The following ANXA7 variants were observed in gnomAD, a reference collection of about 807,000 sequenced individuals.
ANXA7 encodes annexin VII.
Under a neutral mutation model 64.9 loss-of-function variants are expected in ANXA7, and 55 were observed. That is an observed-to-expected ratio of 0.85 (90% CI 0.68 to 1.06). The LOEUF (loss-of-function observed/expected upper bound fraction) is 1.06. Among genes scored for constraint, ANXA7 ranks in the 50% least tolerant of loss-of-function variants. ANXA7 has a pLI of 0.00. For synonymous variants in ANXA7, 200 were observed against 192.4 expected (o/e 1.04, Z -0.33); for missense variants, 548 against 582.1 (o/e 0.94, Z 0.60).
intron 1 of ANXA7, among the ~76,000 whole-genome samples, chr10:73,405,370 T>C (rs1350107436): frequency 6.6e-6 from 1 of 150,636 alleles, no homozygotes; most frequent in Admixed American, 6.6e-5. Context: ...GGTGAAACCC[T>C]GTCTCTACTA....
chr10:73,383,501 C>A, intron 8 of ANXA7, 76 bp downstream of exon 8: 1 of 1,322,194 alleles, frequency 7.6e-7, no homozygotes, highest in Admixed American at 2.1e-5. Flanking sequence ...ACTGTAAATT[C>A]AGAACTGTCA....
intron 4 of ANXA7, among the ~76,000 whole-genome samples, chr10:73,396,874 T>C (rs542016449): frequency 6.6e-6 from 1 of 152,260 alleles, no homozygotes; most frequent in South Asian, 2.1e-4. Context: ...AATACAGTTC[T>C]GGGGGTGGTT....
chr10:73,379,085 CTTCAT>C, intron 11 of ANXA7, 62 bp from the exon 12 acceptor site: 1 of 1,125,570 alleles, frequency 8.9e-7, no homozygotes, highest in East Asian at 2.5e-5. Flanking sequence ...ACCCCTCCAG[CTTCAT>C]TTATCACTTA....
At chr10:73,377,144 T>C (rs1227716229) in intron 12 of ANXA7, among the ~76,000 whole-genome samples, 3 of 152,204 alleles carry the variant, frequency 2.0e-5, no homozygotes, top group Non-Finnish European at 4.4e-5. Flanking sequence ...AATGGTAAAT[T>C]TTTATGTTAT....
Position 73,383,456 on chromosome 10 carries a change from T to C in ANXA7, c.748-111A>G, listed in dbSNP as rs917165138. 43 of 1,262,960 alleles carry C rather than the reference T, an allele frequency of 3.4e-5. No homozygotes were observed. In the Admixed American group the frequency reaches 4.3e-4, roughly 13 times the overall value. The allele number at this position is 1,262,960 out of a possible 1,614,324, so 78.2% of individuals were successfully genotyped here. On this transcript the variant is annotated intron_variant, in intron 8 of 12. Coordinates refer to ENST00000372921, the MANE Select transcript of ANXA7 (RefSeq NM_001156.5). ...TAGAACTAAAAACTATATATTCAGA[T>C]GGATGATGTGAAATAAAGAATTGCT...
Position 73,398,332 on chromosome 10 carries a change from A to G in ANXA7, c.108T>C (p.Ser36=). ...FPPSGQYPYP[S]GFPPMGGGAY... ...CACCTCCTCCCATTGGAGGAAAGCC[A>G]CTAGGATAAGGATACTGACCAGAAG... The change falls in exon 3 of 13, where the codon AGT becomes AGC. Residue 36 remains serine (S), a synonymous_variant. Coordinates refer to ENST00000372921, the MANE Select transcript of ANXA7 (RefSeq NM_001156.5). The G allele has an allele frequency of 1.2e-6, 2 of 1,614,156 alleles. No homozygotes were observed. Among genetic ancestry groups the G allele is most frequent in the Non-Finnish European group, 1.7e-6 (2 of 1,180,026 alleles).
At chr10:73,395,395 G>C (rs1198749521) in intron 5 of ANXA7, among the ~76,000 whole-genome samples, 2 of 152,140 alleles carry the variant, frequency 1.3e-5, no homozygotes, top group African/African-American at 4.8e-5. Flanking sequence ...CAAAATAAAA[G>C]TAAGCATCAA....
chr10:73,386,349 T>G (rs191772606), intron 7 of ANXA7, among the ~76,000 whole-genome samples: 5 of 152,312 alleles, frequency 3.3e-5, no homozygotes, highest in Non-Finnish European at 5.9e-5. Context: ...ACTAAGTGGC[T>G]ACTTGCCATT....
In ANXA7 at chr10:73,377,930, T is replaced by TGTGC. The variant is rs542289005; in HGVS notation, c.1278+980_1278+981insGCAC. On this transcript the variant is annotated intron_variant, in intron 12 of 12. Transcript: ENST00000372921. ...GTGTGTGTGTGTGTGTGTGTGTGTGTGCGCGCGCGTGTGTTTTTTGTAGAA... is the reference window on the plus strand; with the variant it reads ...GTGTGTGTGTGTGTGTGTGTGTGTGTGTGCGCGCGCGCGTGTGTTTTTTGTAGAA... 4.1e-3 allele frequency among the ~76,000 whole-genome samples: 585 copies of TGTGC among 142,570 alleles called. 7 individuals are homozygous for TGTGC. The highest frequency in any genetic ancestry group is 0.013 in the East Asian group (62 of 4,662). The allele number at this position is 142,570 out of a possible 152,430, so 93.5% of individuals were successfully genotyped here.
rs560147721 is a variant in ANXA7, at chr10:73,383,752, T to C, written c.634-62A>G. The C allele has an allele frequency of 1.4e-5, 15 of 1,041,874 alleles. No individual in the cohort carries two copies. In the East Asian group the frequency reaches 2.3e-4, roughly 16 times the overall value. The allele number at this position is 1,041,874 out of a possible 1,614,324, so 64.5% of individuals were successfully genotyped here. A position where few individuals can be genotyped will look rare whatever the true frequency, so the allele number is the denominator to read the frequency against. The stretch of plus-strand genomic sequence containing the variant: ...CTCCAAATTTTGTCACTTAAATCTT[T>C]TAAGGAAAATACAAAAAAAGAAATG... On this transcript the variant is annotated intron_variant, in intron 7 of 12. Coordinates refer to ENST00000372921, the MANE Select transcript of ANXA7 (RefSeq NM_001156.5).
At chr10:73,383,492 C>T in intron 8 of ANXA7, 85 bp downstream of exon 8, 1 of 1,292,244 alleles carries the variant, frequency 7.7e-7, no homozygotes, top group Non-Finnish European at 1.1e-6. Flanking sequence ...TTAATTACCA[C>T]TGTAAATTCA....
chr10:73,376,774 T>C (rs1003100016), intron 12 of ANXA7, among the ~76,000 whole-genome samples: 2 of 151,820 alleles, frequency 1.3e-5, no homozygotes, highest in Admixed American at 1.3e-4. Flanking sequence ...CACAGATGAA[T>C]TAAAAAAAAA....
chr10:73,396,016 T>A, intron 5 of ANXA7: 1 of 1,400,742 alleles, frequency 7.1e-7, no homozygotes, highest in African/African-American at 1.4e-5. Flanking sequence ...GACCTAGTGA[T>A]TAGTAAACAT....
At chr10:73,384,749 A>G (rs2055336214) in intron 7 of ANXA7, among the ~76,000 whole-genome samples, 1 of 152,182 alleles carries the variant, frequency 6.6e-6, no homozygotes. Context: ...AAAATAATGT[A>G]AGGTAACCTG....
intron 1 of ANXA7, 76 bp from the exon 2 acceptor site, chr10:73,400,933 A>C (rs1306902869): frequency 1.7e-5 from 22 of 1,279,240 alleles, no homozygotes; most frequent in Admixed American, 2.1e-5. Flanking sequence ...TTTGAGACGG[A>C]GTCTCACTCT....
chr10:73,410,438 T>C (rs1344901939), intron 1 of ANXA7, among the ~76,000 whole-genome samples: 1 of 152,058 alleles, frequency 6.6e-6, no homozygotes, highest in East Asian at 1.9e-4. Flanking sequence ...GAAATGCAAA[T>C]TAACCACAAT....
At chr10:73,395,890 T>C in intron 5 of ANXA7, 1 of 711,688 alleles carries the variant, frequency 1.4e-6, no homozygotes, top group Non-Finnish European at 2.6e-6. Flanking sequence ...CTGGCTACTA[T>C]GTCTAAAGCC....
In ANXA7 at chr10:73,398,166, C is replaced by A. The variant is rs769389787; in HGVS notation, c.259+15G>T. ...GCAATCCCAATCATTACTAATTCCG[C>A]AACCCGTAACTCACCTCCGGGATAG... On this transcript the variant is annotated intron_variant, in intron 3 of 12. Transcript: ENST00000372921. 1.9e-6 allele frequency: 3 copies of A among 1,598,928 alleles called. No individual in the cohort carries two copies. Among genetic ancestry groups the A allele is most frequent in the South Asian group, 2.2e-5 (2 of 90,644 alleles).
In ANXA7 at chr10:73,398,355, A is replaced by G. The variant is rs373767763; in HGVS notation, c.85T>C (p.Ser29Pro). The G allele has an allele frequency of 6.2e-7, 1 of 1,614,026 alleles. No homozygotes were observed. The highest frequency in any genetic ancestry group is 2.2e-5 in the East Asian group (1 of 44,880). ...PAGQESSFPPSGQYPYPSGFP... is the reference protein window; with the variant it reads ...PAGQESSFPPPGQYPYPSGFP... ...CCACTAGGATAAGGATACTGACCAG[A>G]AGGGGGAAAAGATGACTCCTGACCT... Residue 29 changes from serine (S) to proline (P), a missense_variant, in exon 3 of 13, where the codon TCT becomes CCT. By Grantham distance (74) the Ser-to-Pro change is moderately conservative. Transcript: ENST00000372921.
Sources: gnomAD v4.1 joint callset for allele counts (sites outside exome capture counted in the v4.1 genomes callset) on GRCh38, gnomAD v4.1.1 for gene constraint, MANE v1.5 for transcripts, NCBI Gene and HGNC (gene_info 2026-07-23, HGNC 2026-07-21) for gene names.